CELF3: variants seen among roughly 807,000 people sequenced by gnomAD.
CELF3 encodes CAG repeat domain.
Under a neutral mutation model 59.6 loss-of-function variants are expected in CELF3, and 26 were observed. That is an observed-to-expected ratio of 0.44 (90% CI 0.32 to 0.61). The LOEUF (loss-of-function observed/expected upper bound fraction) is 0.61. CELF3 is among the 20% of genes least tolerant of loss of function. The pLI is 0.06. For synonymous variants in CELF3, 245 were observed against 250.7 expected (o/e 0.98, Z 0.22); for missense variants, 387 against 627.2 (o/e 0.62, Z 4.09).
rs779822700 is a variant in CELF3, at chr1:151,709,086, G to T, written c.407-9C>A. On this transcript the variant is annotated splice_polypyrimidine_tract_variant and intron_variant, in intron 4 of 12. Coordinates refer to ENST00000290583, the MANE Select transcript of CELF3 (RefSeq NM_007185.7). The surrounding 1 kb of genome is among the most constrained non-coding windows in gnomAD (Gnocchi z 4.9). ...CTTCACGAAGGCGCAGCCTGGAGAGGTTGAGATGGAGGAGGAGAGGGGTAA... is the reference window on the plus strand; with the variant it reads ...CTTCACGAAGGCGCAGCCTGGAGAGTTTGAGATGGAGGAGGAGAGGGGTAA... 1 of 1,613,598 alleles carries T rather than the reference G, an allele frequency of 6.2e-7. No homozygotes were observed. The highest frequency in any genetic ancestry group is 8.5e-7 in the Non-Finnish European group (1 of 1,179,720).
At chr1:151,710,568 A>C (rs976012553) in intron 2 of CELF3, 8 of 431,698 alleles carry the variant, frequency 1.9e-5, no homozygotes, top group African/African-American at 1.6e-4. Context: ...TTCTGGAGGG[A>C]GGCTTGCAGA....
intron 5 of CELF3, chr1:151,708,162 T>C (rs529615629): frequency 2.0e-6 from 1 of 503,838 alleles, no homozygotes; most frequent in African/African-American, 1.9e-5. Context: ...AGGCACATGC[T>C]TGGAAAGTGA....
At position 151,707,285 on chromosome 1, in the gene CELF3, G is replaced by T. The variant is rs748240817; in HGVS notation, c.782C>A (p.Thr261Asn). Residue 261 changes from threonine (T) to asparagine (N), a missense_variant, in exon 8 of 13, where the codon ACC (threonine) becomes AAC (asparagine). By Grantham distance (65) the Thr-to-Asn change is moderately conservative. Coordinates refer to ENST00000290583, the MANE Select transcript of CELF3 (RefSeq NM_007185.7). ...TPITPSSGTS[T>N]PPAIAATPVS... ...AGGCGTGGCAGCGATGGCAGGAGGG[G>T]TGCTGGTTCCTGGGGAGGAGAAAGC... The T allele has an allele frequency of 6.4e-7, 1 of 1,570,692 alleles. No individual in the cohort carries two copies. The highest frequency in any genetic ancestry group is 1.9e-5 in the Admixed American group (1 of 51,296).
Position 151,709,653 on chromosome 1 carries a change from C to G in CELF3, c.277+90G>C. The G allele has an allele frequency of 7.7e-7, 1 of 1,298,946 alleles. No homozygotes were observed. Among genetic ancestry groups the G allele is most frequent in the Non-Finnish European group, 1.1e-6 (1 of 893,312 alleles). 80.5% of individuals were successfully genotyped at this position (1,298,946 alleles called of 1,614,324 possible). ...GAACTCTTCAGAATCATCAGGCTTT[C>G]TCCCTCAAGAAAGGCTACCCCTCGA... On this transcript the variant is annotated intron_variant, in intron 3 of 12. Coordinates refer to ENST00000290583, the MANE Select transcript of CELF3 (RefSeq NM_007185.7). The surrounding 1 kb of genome is among the most constrained non-coding windows in gnomAD (Gnocchi z 4.9).
chr1:151,714,078 C>G (rs902302319), intron 2 of CELF3, among the ~76,000 whole-genome samples: 2 of 152,214 alleles, frequency 1.3e-5, no homozygotes, highest in South Asian at 2.1e-4. Flanking sequence ...CTCTGTGGCT[C>G]TGTTCCTGGG....
chr1:151,715,630 G>C lies in CELF3; in HGVS notation c.145+246C>G, dbSNP rs968416454. 10 of 1,483,158 alleles carry C rather than the reference G, an allele frequency of 6.7e-6. No homozygotes were observed. The African/African-American group carries it at 9.7e-5, about 14-fold the overall frequency. 91.9% of individuals were successfully genotyped at this position (1,483,158 alleles called of 1,614,324 possible). On this transcript the variant is annotated intron_variant, in intron 1 of 12. Transcript: ENST00000290583. The stretch of plus-strand genomic sequence containing the variant: ...TGACATCAACACACCCATATGTCTG[G>C]GATCCACATCTTTGCAGCCGTCTTG...
chr1:151,703,232 C>CCAA lies in CELF3; in HGVS notation c.*226_*227insTTG. On this transcript the variant is annotated 3_prime_UTR_variant, in exon 13 of 13. Coordinates refer to ENST00000290583, the MANE Select transcript of CELF3 (RefSeq NM_007185.7). ...CGCTCCCTCACAAAGGCCAAAAGGGCATCTAGGAGGAAATGGGCCCTTGGA... is the reference window on the plus strand; with the variant it reads ...CGCTCCCTCACAAAGGCCAAAAGGGCCAAATCTAGGAGGAAATGGGCCCTTGGA... 2.2e-6 allele frequency: 1 copy of CCAA among 457,716 alleles called. No individual in the cohort carries two copies. The highest frequency in any genetic ancestry group is 4.4e-6 in the Non-Finnish European group (1 of 227,628). 28.4% of individuals were successfully genotyped at this position (457,716 alleles called of 1,614,324 possible).
intron 10 of CELF3, 91 bp downstream of exon 10, chr1:151,706,133 C>T (rs374382164): frequency 5.0e-6 from 8 of 1,605,870 alleles, no homozygotes; most frequent in East Asian, 2.2e-5. Context: ...CATCCTGACA[C>T]GTGGGCAAGA....
At position 151,716,071 on chromosome 1, in the gene CELF3, C is replaced by T. The variant is rs538383225; in HGVS notation, c.-51G>A. 5.2e-6 allele frequency: 8 copies of T among 1,540,650 alleles called. No individual in the cohort carries two copies. The East Asian group carries it at 1.6e-4, about 31-fold the overall frequency. On this transcript the variant is annotated 5_prime_UTR_variant, in exon 1 of 13. Transcript: ENST00000290583. Reference sequence around the variant, plus strand: ...AGGGGAGCAGGGAGAGGCCCAAAGGCCAAGGGGAGCTGCCCAGCAAGGAGA... The same window carrying T: ...AGGGGAGCAGGGAGAGGCCCAAAGGTCAAGGGGAGCTGCCCAGCAAGGAGA...
At position 151,705,994 on chromosome 1, in the gene CELF3, G is replaced by T; in HGVS notation, c.1127-29C>A. On this transcript the variant is annotated intron_variant, in intron 10 of 12. Coordinates refer to ENST00000290583, the MANE Select transcript of CELF3 (RefSeq NM_007185.7). The surrounding 1 kb of genome is among the most constrained non-coding windows in gnomAD (Gnocchi z 5.1). ...GGTGGCGACAGAGACAGAAGAAAGA[G>T]CTCAGTGACTGGGAGGCACACACCC... 6.2e-6 allele frequency: 10 copies of T among 1,612,668 alleles called. No homozygotes were observed. Among genetic ancestry groups the T allele is most frequent in the Non-Finnish European group, 8.5e-6 (10 of 1,179,270 alleles).
At position 151,709,661 on chromosome 1, in the gene CELF3, A is replaced by G; in HGVS notation, c.277+82T>C. ...CAGAATCATCAGGCTTTCTCCCTCA[A>G]GAAAGGCTACCCCTCGACAACTCCA... is the stretch of plus-strand genomic sequence containing the variant. On this transcript the variant is annotated intron_variant, in intron 3 of 12. Coordinates refer to ENST00000290583, the MANE Select transcript of CELF3 (RefSeq NM_007185.7). This position sits in a 1 kb window ranked among gnomAD's most constrained non-coding sequence, Gnocchi z 4.9. 7.2e-7 allele frequency: 1 copy of G among 1,389,508 alleles called. No homozygotes were observed. The highest frequency in any genetic ancestry group is 1.0e-6 in the Non-Finnish European group (1 of 975,400). The allele number at this position is 1,389,508 out of a possible 1,614,324, so 86.1% of individuals were successfully genotyped here. A position where few individuals can be genotyped will look rare whatever the true frequency, so the allele number is the denominator to read the frequency against.
intron 2 of CELF3, chr1:151,710,006 C>A: frequency 1.7e-6 from 1 of 580,322 alleles, no homozygotes; most frequent in African/African-American, 1.9e-5. Flanking sequence ...GGCTCATGGG[C>A]ACAGCTCCAG....
In CELF3 at chr1:151,709,266, G is replaced by A. The variant is rs1367449098; in HGVS notation, c.360C>T (p.Thr120=). The A allele has an allele frequency of 6.2e-7, 1 of 1,614,054 alleles. No homozygotes were observed. The highest frequency in any genetic ancestry group is 1.7e-5 in the Admixed American group (1 of 60,016). Residue 120 remains threonine, a synonymous_variant, in exon 4 of 13, where the codon ACC becomes ACT. Coordinates refer to ENST00000290583, the MANE Select transcript of CELF3 (RefSeq NM_007185.7). This position sits in a 1 kb window ranked among gnomAD's most constrained non-coding sequence, Gnocchi z 4.9. ...CCCGGAGCACAGTGCACTCGTCGATGGTCCCGAAGGGCTCAAACATCTTCC... is the reference window on the plus strand; with the variant it reads ...CCCGGAGCACAGTGCACTCGTCGATAGTCCCGAAGGGCTCAAACATCTTCC... ...DVRKMFEPFG[T]IDECTVLRGP... is the part of the protein sequence containing the mutation.
In CELF3 at chr1:151,707,500, G is replaced by A. The variant is rs150689244; in HGVS notation, c.772+7C>T. The A allele has an allele frequency of 3.8e-4, 605 of 1,610,644 alleles. 3 individuals carry two copies. In the African/African-American group the frequency reaches 6.9e-3, roughly 18 times the overall value. ...AGCTCCCTTGCCCGGCCTTGCCCAG[G>A]CCATACCTGAGGATGGGGTGATGGG... On this transcript the variant is annotated splice_region_variant and intron_variant, in intron 7 of 12. Coordinates refer to ENST00000290583, the MANE Select transcript of CELF3 (RefSeq NM_007185.7).
chr1:151,706,694 G>A lies in CELF3; in HGVS notation c.963C>T (p.Ala321=). 6.4e-7 allele frequency: 1 copy of A among 1,551,338 alleles called. No individual in the cohort carries two copies. Residue 321 remains alanine (A), a synonymous_variant, in exon 9 of 13, where the codon GCC becomes GCT. Transcript: ENST00000290583. ...PAAPVDPLQQ[A]YAGMQHYTAA... ...CTGTGTAGTGCTGCATCCCCGCGTA[G>A]GCCTGCTGCAGGGGGTCCACGGGGG...
chr1:151,700,383 G>A lies in CELF3; in HGVS notation c.*3076C>T, dbSNP rs1020979192. 6.6e-6 allele frequency among the ~76,000 whole-genome samples: 1 copy of A among 152,168 alleles called. No individual in the cohort carries two copies. The highest frequency in any genetic ancestry group is 2.4e-5 in the African/African-American group (1 of 41,430). On this transcript the variant is annotated 3_prime_UTR_variant, in exon 13 of 13. Transcript: ENST00000290583. ...GCATTCAACAAACATTTATTGAGCC[G>A]TTATGTGCCAGACACTGTAGTAACT...
chr1:151,704,199 G>C (rs942075089), intron 12 of CELF3, among the ~76,000 whole-genome samples: 7 of 152,104 alleles, frequency 4.6e-5, no homozygotes, highest in Admixed American at 4.6e-4. Flanking sequence ...GGGCTGGGGG[G>C]GCCCCCAGGG....
At position 151,709,667 on chromosome 1, in the gene CELF3, G is replaced by A. The variant is rs1207792397; in HGVS notation, c.277+76C>T. 1 of 1,412,368 alleles carries A rather than the reference G, an allele frequency of 7.1e-7. No homozygotes were observed. The highest frequency in any genetic ancestry group is 1.0e-6 in the Non-Finnish European group (1 of 996,028). 87.5% of individuals were successfully genotyped at this position (1,412,368 alleles called of 1,614,324 possible). A position where few individuals can be genotyped will look rare whatever the true frequency, so the allele number is the denominator to read the frequency against. On this transcript the variant is annotated intron_variant, in intron 3 of 12. Coordinates refer to ENST00000290583, the MANE Select transcript of CELF3 (RefSeq NM_007185.7). The surrounding 1 kb of genome is among the most constrained non-coding windows in gnomAD (Gnocchi z 4.9). Reference sequence around the variant, plus strand: ...CATCAGGCTTTCTCCCTCAAGAAAGGCTACCCCTCGACAACTCCAGGCCCT... The same window carrying A: ...CATCAGGCTTTCTCCCTCAAGAAAGACTACCCCTCGACAACTCCAGGCCCT...
chr1:151,715,690 C>T lies in CELF3; in HGVS notation c.145+186G>A, dbSNP rs1673421221. ...CAGCCAAAAGAGGCCCTCCTTAGTC[C>T]TTCACCGGGGTTTCCTGATCACTCT... On this transcript the variant is annotated intron_variant, in intron 1 of 12. Coordinates refer to ENST00000290583, the MANE Select transcript of CELF3 (RefSeq NM_007185.7). 3 of 1,534,354 alleles carry T rather than the reference C, an allele frequency of 2.0e-6. No homozygotes were observed. In the Admixed American group the frequency reaches 5.9e-5, roughly 30 times the overall value.
Sources: allele counts gnomAD v4.1 joint callset (sites outside exome capture counted in the v4.1 genomes callset), GRCh38; gene constraint gnomAD v4.1.1; non-coding constraint Gnocchi (gnomAD v3.1); transcripts MANE v1.5; gene names NCBI Gene and HGNC (gene_info 2026-07-23, HGNC 2026-07-21).